CDS2: variants seen among roughly 807,000 people sequenced by gnomAD.
CDS2 encodes the protein CDP-diacylglycerol synthase 2, also known as phosphatidate cytidylyltransferase 2.
In CDS2, 47 loss-of-function variants were observed where a neutral mutation model predicts 59.0. The ratio of observed to expected loss-of-function variants is 0.80; its 90% CI spans 0.63 to 1.02. The LOEUF is 1.02. Among genes scored for constraint, CDS2 ranks in the 50% least tolerant of loss-of-function variants. CDS2 has a pLI of 0.00. For synonymous variants in CDS2, 207 were observed against 206.4 expected, an observed-to-expected ratio of 1.00 and a Z score of -0.02; for missense variants, 356 against 558.9, an observed-to-expected ratio of 0.64 and a Z score of 3.66.
chr20:5,138,309 A>T (rs1944887734), intron 1 of CDS2, among the ~76,000 whole-genome samples: 1 of 152,052 alleles, frequency 6.6e-6, no homozygotes, highest in South Asian at 2.1e-4. Context: ...ACTCTTTGGC[A>T]TATAGATATC....
intron 1 of CDS2, among the ~76,000 whole-genome samples, chr20:5,167,196 G>A (rs2090919278): frequency 6.6e-6 from 1 of 152,226 alleles, no homozygotes; most frequent in Non-Finnish European, 1.5e-5. Context: ...CTCACAGCCA[G>A]TTAGGTTTTA....
At chr20:5,168,657 A>T (rs748101707) in intron 1 of CDS2, 2 of 518,318 alleles carry the variant, frequency 3.9e-6, no homozygotes, top group South Asian at 2.8e-5. Flanking sequence ...CCTCAGAAGG[A>T]TGCTGTCCAG....
chr20:5,149,223 C>T (rs917388157), intron 1 of CDS2, among the ~76,000 whole-genome samples: 8 of 152,074 alleles, frequency 5.3e-5, no homozygotes, highest in South Asian at 2.1e-4. Flanking sequence ...AATTGTTTCT[C>T]GTGGCCGTTT....
chr20:5,166,903 A>G (rs1239986555), intron 1 of CDS2, among the ~76,000 whole-genome samples: 2 of 152,224 alleles, frequency 1.3e-5, no homozygotes, highest in Admixed American at 6.5e-5. Context: ...AGGTTTACCC[A>G]TGAAGTGGGG....
chr20:5,135,442 A>G (rs6107582), intron 1 of CDS2, among the ~76,000 whole-genome samples: 9,289 of 150,016 alleles, frequency 0.062, 939 homozygotes, highest in African/African-American at 0.22. Flanking sequence ...GTGAAAAAGT[A>G]CAGCTGTTTG....
Position 5,190,634 on chromosome 20 carries a change from C to A in CDS2, c.*400C>A, listed in dbSNP as rs2091107004. ...TGTGTCTGACCAAATCAGGGGACTTCCCCACCTGTGGTGGGAGGCACAGCT... is the reference window on the plus strand; with the variant it reads ...TGTGTCTGACCAAATCAGGGGACTTACCCACCTGTGGTGGGAGGCACAGCT... On this transcript the variant is annotated 3_prime_UTR_variant, in exon 13 of 13. Transcript: ENST00000460006. 1 of 153,614 alleles carries A rather than the reference C, an allele frequency of 6.5e-6. No homozygotes were observed. The allele number at this position is 153,614 out of a possible 1,614,324, so 9.5% of individuals were successfully genotyped here. A position where few individuals can be genotyped will look rare whatever the true frequency, so the allele number is the denominator to read the frequency against.
intron 1 of CDS2, 41 bp from the exon 2 acceptor site, chr20:5,173,482 G>A (rs768045584): frequency 6.2e-7 from 1 of 1,611,116 alleles, no homozygotes; most frequent in Non-Finnish European, 8.5e-7. Context: ...GGTCTACTCG[G>A]CACTTTTGAC....
In CDS2 at chr20:5,186,832, T is replaced by C. The variant is rs1228250125; in HGVS notation, c.974T>C (p.Ile325Thr). 2 of 1,613,962 alleles carry C rather than the reference T, an allele frequency of 1.2e-6. No individual in the cohort carries two copies. Among genetic ancestry groups the C allele is most frequent in the Non-Finnish European group, 8.5e-7 (1 of 1,179,968 alleles). Residue 325 changes from isoleucine to threonine, a missense_variant, in exon 10 of 13, where the codon ATT becomes ACT. By Grantham distance (89) the Ile-to-Thr change is moderately conservative. Coordinates refer to ENST00000460006, the MANE Select transcript of CDS2 (RefSeq NM_003818.4). ...YNIPGVIQSVIGWKTVRMYPF... is the reference protein window; with the variant it reads ...YNIPGVIQSVTGWKTVRMYPF... ...ATTCCTGGGGTGATCCAGTCAGTCA[T>C]TGGCTGGGTATGTGCCACTCACAGG...
In CDS2 at chr20:5,193,091, C is replaced by G. The variant is rs926543428; in HGVS notation, c.*2857C>G. 14 of 152,342 alleles carry G rather than the reference C, an allele frequency of 9.2e-5. No homozygotes were observed. Among genetic ancestry groups the G allele is most frequent in the African/African-American group, 3.1e-4 (13 of 41,568 alleles). 9.4% of individuals were successfully genotyped at this position (152,342 alleles called of 1,614,324 possible). ...AACAAGGGGGTCATAGAAACCAGGG[C>G]TGATGGGCACCCCCCAGCCCCTGGG... is the stretch of plus-strand genomic sequence containing the variant. On this transcript the variant is annotated 3_prime_UTR_variant, in exon 13 of 13. Transcript: ENST00000460006.
rs1271341153 is a variant in CDS2 at position 5,195,752 on chromosome 20, A to G, written c.*5518A>G. 1 of 152,222 alleles carries G rather than the reference A, an allele frequency of 6.6e-6. No individual in the cohort carries two copies. Among genetic ancestry groups the G allele is most frequent in the East Asian group, 1.9e-4 (1 of 5,184 alleles). The allele number at this position is 152,222 out of a possible 1,614,324, so 9.4% of individuals were successfully genotyped here. On this transcript the variant is annotated 3_prime_UTR_variant, in exon 13 of 13. Transcript: ENST00000460006. ...AGTTCTGCCCACATCCTTATGACGC[A>G]GCCAATCTGGAGCTTCATGTTTCCT... is the stretch of plus-strand genomic sequence containing the variant.
intron 1 of CDS2, among the ~76,000 whole-genome samples, chr20:5,145,243 C>T (rs890880841): frequency 9.2e-6 from 1 of 109,270 alleles, no homozygotes; most frequent in Non-Finnish European, 1.9e-5. Context: ...AAGACCCCCC[C>T]CCCCGCCCCC....
intron 1 of CDS2, among the ~76,000 whole-genome samples, chr20:5,145,822 GTTTT>G (rs11470811): frequency 1.4e-4 from 18 of 129,258 alleles, no homozygotes; most frequent in Non-Finnish European, 1.9e-4. Context: ...TGCTTTTTGT[GTTTT>G]TTTTTTTTTT....
Position 5,194,430 on chromosome 20 carries a change from A to T in CDS2, c.*4196A>T, listed in dbSNP as rs2091141618. On this transcript the variant is annotated 3_prime_UTR_variant, in exon 13 of 13. Coordinates refer to ENST00000460006, the MANE Select transcript of CDS2 (RefSeq NM_003818.4). Reference sequence around the variant, plus strand: ...CCTGCAGAAGGTGGGCCCTATTCTCAGAAGAGTCCTGGCTGCTGTTGCCAT... The same window carrying T: ...CCTGCAGAAGGTGGGCCCTATTCTCTGAAGAGTCCTGGCTGCTGTTGCCAT... 6.6e-6 allele frequency: 1 copy of T among 152,266 alleles called. No homozygotes were observed. Among genetic ancestry groups the T allele is most frequent in the Admixed American group, 6.5e-5 (1 of 15,278 alleles). 9.4% of individuals were successfully genotyped at this position (152,266 alleles called of 1,614,324 possible). A position where few individuals can be genotyped will look rare whatever the true frequency, so the allele number is the denominator to read the frequency against.
chr20:5,146,169 G>A (rs2090741957), intron 1 of CDS2, among the ~76,000 whole-genome samples: 1 of 152,138 alleles, frequency 6.6e-6, no homozygotes. Flanking sequence ...GCAGGCAGTT[G>A]CAACACTTTT....
intron 1 of CDS2, among the ~76,000 whole-genome samples, chr20:5,163,537 A>G (rs2090891007): frequency 6.6e-6 from 1 of 151,576 alleles, no homozygotes; most frequent in Non-Finnish European, 1.5e-5. Flanking sequence ...CTAGGATTAT[A>G]GGCGTGAGCC....
At chr20:5,160,984 T>C (rs148456656) in intron 1 of CDS2, among the ~76,000 whole-genome samples, 2 of 152,354 alleles carry the variant, frequency 1.3e-5, no homozygotes, top group Non-Finnish European at 2.9e-5. Flanking sequence ...TACTTTTTTG[T>C]TTATTGTGAA....
chr20:5,189,804 A>T lies in CDS2; in HGVS notation c.1171A>T (p.Thr391Ser). ...CTTTGACTGCCAGTATCTGATGGCC[A>T]CCTTTGTCAATGTATACATCGCCAG... is the stretch of plus-strand genomic sequence containing the variant. ...DRFDCQYLMA[T>S]FVNVYIASFI... Residue 391 changes from threonine (T) to serine (S), a missense_variant, in exon 12 of 13, where the codon ACC becomes TCC. By Grantham distance (58) the Thr-to-Ser change is moderately conservative. Around this residue, in one of 5 missense-constraint regions of CDS2, gnomAD observed 41 missense variants for 104.4 expected, o/e 0.39. Transcript: ENST00000460006. 3 of 1,614,038 alleles carry T rather than the reference A, an allele frequency of 1.9e-6. No homozygotes were observed. The highest frequency in any genetic ancestry group is 2.5e-6 in the Non-Finnish European group (3 of 1,179,904).
chr20:5,133,405 A>G (rs917422310), intron 1 of CDS2, among the ~76,000 whole-genome samples: 2 of 152,140 alleles, frequency 1.3e-5, no homozygotes, highest in African/African-American at 2.4e-5. Context: ...GGCCTGAGCC[A>G]TGGCACCCGG....
At position 5,181,322 on chromosome 20, in the gene CDS2, CTATT is replaced by C. The variant is rs536335449; in HGVS notation, c.530-1063_530-1060del. Among the ~76,000 whole-genome samples, 493 of 152,278 alleles carry C rather than the reference CTATT, an allele frequency of 3.2e-3. 5 individuals are homozygous for C. Among genetic ancestry groups the C allele is most frequent in the African/African-American group, 0.012 (479 of 41,540 alleles). ...AAAGTCAGCCAATCAGTGCTGCAGT[CTATT>C]TCCTTTGGGTTGGGGGTCTCCTCAG... On this transcript the variant is annotated intron_variant, in intron 5 of 12. Coordinates refer to ENST00000460006, the MANE Select transcript of CDS2 (RefSeq NM_003818.4).
Sources: gnomAD v4.1 joint callset for allele counts (sites outside exome capture counted in the v4.1 genomes callset) on GRCh38, gnomAD v4.1.1 for gene constraint, gnomAD v4.1.1 regional missense constraint, MANE v1.5 for transcripts, NCBI Gene and HGNC (gene_info 2026-07-23, HGNC 2026-07-21) for gene names.